The following BST1 variants were observed in gnomAD, a reference collection of about 807,000 sequenced individuals.
BST1 encodes the protein ADP-ribosyl cyclase/cyclic ADP-ribose hydrolase 2.
In BST1, 49 loss-of-function variants were observed where a neutral mutation model predicts 40.6. The observed-to-expected ratio is 1.21, with a 90% confidence interval of 0.96 to 1.53. The LOEUF (loss-of-function observed/expected upper bound fraction) is 1.53. Among genes scored for constraint, BST1 ranks in the 40% most tolerant of loss-of-function variants. BST1 has a pLI of 0.00. For missense variants in BST1, 423 were observed against 395.9 expected (o/e 1.07, Z -0.58); for synonymous variants, 157 against 159.3 (o/e 0.99, Z 0.11).
intron 7 of BST1, among the ~76,000 whole-genome samples, chr4:15,721,392 CT>C (rs1441598947): frequency 6.6e-6 from 1 of 152,166 alleles, no homozygotes; most frequent in Non-Finnish European, 1.5e-5. Flanking sequence ...AACTCCATAC[CT>C]GTTTTTGGGC....
At chr4:15,726,444 T>A (rs910366526) in intron 8 of BST1, among the ~76,000 whole-genome samples, 2 of 152,200 alleles carry the variant, frequency 1.3e-5, no homozygotes, top group Non-Finnish European at 1.5e-5. Context: ...GAATGACAAA[T>A]GCTCTACAAC....
intron 1 of BST1, among the ~76,000 whole-genome samples, chr4:15,704,258 GTA>G (rs1182452742): frequency 6.7e-6 from 1 of 150,218 alleles, no homozygotes; most frequent in Non-Finnish European, 1.5e-5. Context: ...GATGAGGTGT[GTA>G]TGTGTGTTCT....
chr4:15,742,099 G>A (rs1285863864), downstream of BST1, among the ~76,000 whole-genome samples: 2 of 152,212 alleles, frequency 1.3e-5, no homozygotes, highest in African/African-American at 4.8e-5. Flanking sequence ...GAAGAAGGTG[G>A]TCTCTTCTCT....
chr4:15,731,619 G>GC, intron 8 of BST1, 121 bp from the exon 9 acceptor site: 1 of 1,341,208 alleles, frequency 7.5e-7, no homozygotes, highest in Non-Finnish European at 1.0e-6. Flanking sequence ...GGGAGACTTT[G>GC]CTGCTCATGG....
chr4:15,704,877 A>G, intron 1 of BST1: 1 of 704,976 alleles, frequency 1.4e-6, no homozygotes, highest in South Asian at 1.5e-5. Flanking sequence ...TATGTTTGTG[A>G]TGTCTTTCTT....
chr4:15,706,846 A>C (rs1048896926), intron 2 of BST1, among the ~76,000 whole-genome samples: 1 of 152,192 alleles, frequency 6.6e-6, no homozygotes, highest in African/African-American at 2.4e-5. Flanking sequence ...TTTGTTTGCC[A>C]GTCATTGGTG....
At position 15,703,300 on chromosome 4, in the gene BST1, C is replaced by CGAGTACCGCGCACTGCT. The variant is rs1719648954; in HGVS notation, c.161_177dup (p.Pro60ThrfsTer5). 6.5e-7 allele frequency: 1 copy of CGAGTACCGCGCACTGCT among 1,528,766 alleles called. No homozygotes were observed. Among genetic ancestry groups the CGAGTACCGCGCACTGCT allele is most frequent in the African/African-American group, 1.4e-5 (1 of 71,674 alleles). The allele number at this position is 1,528,766 out of a possible 1,614,324, so 94.7% of individuals were successfully genotyped here. On this transcript the variant is annotated frameshift_variant, in exon 1 of 9. Transcript: ENST00000265016. LOFTEE classifies it high-confidence loss of function. ...GGGACATCTTCCTGGGCCGCTGCGCCGAGTACCGCGCACTGCTGAGTCCCG... is the reference window on the plus strand; with the variant it reads ...GGGACATCTTCCTGGGCCGCTGCGCCGAGTACCGCGCACTGCTGAGTACCGCGCACTGCTGAGTCCCG...
intron 8 of BST1, among the ~76,000 whole-genome samples, chr4:15,727,178 C>T (rs1038291660): frequency 7.9e-5 from 12 of 152,138 alleles, no homozygotes; most frequent in East Asian, 7.7e-4. Context: ...CGAAGCAAAA[C>T]GGAGATTTGT....
chr4:15,711,718 C>T, intron 3 of BST1, 89 bp from the exon 4 acceptor site: 1 of 1,023,824 alleles, frequency 9.8e-7, no homozygotes, highest in Non-Finnish European at 1.5e-6. Context: ...GCTAAGTATA[C>T]ATCATGGAAC....
the BST1 span, among the ~76,000 whole-genome samples, chr4:15,751,624 A>G: frequency 1.3e-5 from 2 of 152,200 alleles, no homozygotes; most frequent in East Asian, 1.9e-4. Context: ...CTATGTATAT[A>G]GATATATGTG....
chr4:15,741,450 AATAAC>A (rs1721740361), downstream of BST1, among the ~76,000 whole-genome samples: 1 of 152,340 alleles, frequency 6.6e-6, no homozygotes, highest in South Asian at 2.1e-4. Flanking sequence ...TCACATCCTC[AATAAC>A]CTTCATGAAA....
intron 3 of BST1, among the ~76,000 whole-genome samples, chr4:15,710,255 A>T (rs749836899): frequency 2.6e-5 from 4 of 152,068 alleles, no homozygotes; most frequent in Non-Finnish European, 4.4e-5. Context: ...ATTACAGGCC[A>T]CAGTACCTGG....
chr4:15,725,717 C>G (rs2148892750), intron 8 of BST1, among the ~76,000 whole-genome samples: 1 of 152,230 alleles, frequency 6.6e-6, no homozygotes, highest in East Asian at 1.9e-4. Flanking sequence ...TGTGGAAACA[C>G]CGTTTTGGCA....
downstream of BST1, among the ~76,000 whole-genome samples, chr4:15,736,772 C>T (rs759055374): frequency 6.6e-6 from 1 of 152,208 alleles, no homozygotes; most frequent in Non-Finnish European, 1.5e-5. Flanking sequence ...CTCACCTCCT[C>T]CTCGAAGCCT....
chr4:15,736,485 C>T (rs1245689785), downstream of BST1, among the ~76,000 whole-genome samples: 1 of 151,922 alleles, frequency 6.6e-6, no homozygotes, highest in East Asian at 1.9e-4. Context: ...TGGCACGTGC[C>T]TGTAATCCCA....
intron 3 of BST1, among the ~76,000 whole-genome samples, chr4:15,708,380 T>TC (rs1720008569): frequency 5.3e-5 from 8 of 152,270 alleles, no homozygotes; most frequent in Admixed American, 2.6e-4. Flanking sequence ...AGGGAGGTTA[T>TC]AGCCTCATGG....
chr4:15,757,126 C>T, the BST1 span, among the ~76,000 whole-genome samples: 1 of 151,998 alleles, frequency 6.6e-6, no homozygotes, highest in Admixed American at 6.6e-5. Flanking sequence ...TATTTCCTCC[C>T]TCCCCTTCTC....
the BST1 span, among the ~76,000 whole-genome samples, chr4:15,760,246 T>A: frequency 6.8e-6 from 1 of 146,874 alleles, no homozygotes; most frequent in Admixed American, 6.7e-5. Flanking sequence ...CATGTTGTGG[T>A]ATGCGTTAGC....
At chr4:15,719,644 CATTGCA>C (rs1255133417) in intron 7 of BST1, among the ~76,000 whole-genome samples, 1 of 152,156 alleles carries the variant, frequency 6.6e-6, no homozygotes, top group Non-Finnish European at 1.5e-5. Flanking sequence ...TGGAATCCAA[CATTGCA>C]AAAACTGAGT....
Sources: gnomAD v4.1 joint callset for allele counts (sites outside exome capture counted in the v4.1 genomes callset) on GRCh38, gnomAD v4.1.1 for gene constraint, MANE v1.5 for transcripts, NCBI Gene and HGNC (gene_info 2026-07-23, HGNC 2026-07-21) for gene names.